The following RNH1 variants were observed in gnomAD, a reference collection of about 807,000 sequenced individuals.
RNH1 encodes ribonuclease inhibitor.
A neutral mutation model predicts 46.1 loss-of-function variants in RNH1; 38 were observed. The ratio of observed to expected loss-of-function variants is 0.82; its 90% CI spans 0.64 to 1.08. RNH1 has a LOEUF of 1.08. Ranked by LOEUF, RNH1 falls within the 50% of genes least tolerant of loss-of-function variation. RNH1 has a pLI of 0.00. For synonymous variants in RNH1, 319 were observed against 279.1 expected, an observed-to-expected ratio of 1.14 and a Z score of -1.43; for missense variants, 577 against 590.7, an observed-to-expected ratio of 0.98 and a Z score of 0.24.
At chr11:506,177 T>A (rs746411261) in intron 1 of RNH1, 10 of 152,208 alleles carry the variant, frequency 6.6e-5, no homozygotes, top group Non-Finnish European at 1.3e-4. Context: ...TCGTGTGCAG[T>A]CTCCGGCTTG....
rs1407510291 is a variant in RNH1 at position 502,205 on chromosome 11, G to A, written c.-43C>T. ...GCCTGGGTGGGAGGCAGAGGGAAGAGGACGTCTTGGCCGAATCCCCTCACA... is the reference window on the plus strand; with the variant it reads ...GCCTGGGTGGGAGGCAGAGGGAAGAAGACGTCTTGGCCGAATCCCCTCACA... On this transcript the variant is annotated 5_prime_UTR_variant, in exon 3 of 11. Transcript: ENST00000354420. This position sits in a 1 kb window ranked among gnomAD's most constrained non-coding sequence, Gnocchi z 5.8. 6.7e-7 allele frequency: 1 copy of A among 1,489,752 alleles called. No homozygotes were observed. Among genetic ancestry groups the A allele is most frequent in the African/African-American group, 1.4e-5 (1 of 72,428 alleles). The allele number at this position is 1,489,752 out of a possible 1,614,324, so 92.3% of individuals were successfully genotyped here.
Position 502,048 on chromosome 11 carries a change from G to A in RNH1, c.101+14C>T, listed in dbSNP as rs370104613. 325 of 1,604,138 alleles carry A rather than the reference G, an allele frequency of 2.0e-4. No individual in the cohort carries two copies. Among genetic ancestry groups the A allele is most frequent in the East Asian group, 2.9e-4 (13 of 44,734 alleles). On this transcript the variant is annotated intron_variant, in intron 3 of 10. Transcript: ENST00000354420. The surrounding 1 kb of genome is among the most constrained non-coding windows in gnomAD (Gnocchi z 5.8). The stretch of plus-strand genomic sequence containing the variant: ...CCCACCAGCACCCCAAGGCCACCCC[G>A]AGAGCAAGCGTACCTGACCACTTGG...
rs1565029940 is a variant in RNH1, at chr11:499,830, G to C, written c.442C>G (p.Gln148Glu). Residue 148 changes from glutamine to glutamate, a missense_variant and splice_region_variant, in exon 5 of 11, where the codon CAG becomes GAG. Coordinates refer to ENST00000354420, the MANE Select transcript of RNH1 (RefSeq NM_203387.3). Reference sequence around the variant, plus strand: ...CCCTGGGGCAGGACACAAACTCACTGCAGCTTTTCCAGGCGGCACTGGGGG... The same window carrying C: ...CCCTGGGGCAGGACACAAACTCACTCCAGCTTTTCCAGGCGGCACTGGGGG... ...LDPQCRLEKLQLEYCSLSAAS... is the reference protein window; with the variant it reads ...LDPQCRLEKLELEYCSLSAAS... 1 of 1,606,084 alleles carries C rather than the reference G, an allele frequency of 6.2e-7. No homozygotes were observed. Among genetic ancestry groups the C allele is most frequent in the East Asian group, 2.2e-5 (1 of 44,824 alleles).
At chr11:498,178 C>A in intron 8 of RNH1, 37 bp from the exon 9 acceptor site, 5 of 1,580,652 alleles carry the variant, frequency 3.2e-6, no homozygotes, top group Non-Finnish European at 4.3e-6. Flanking sequence ...TGGCAGGGGC[C>A]CAGGCTGGCC....
chr11:500,477 G>A lies in RNH1; in HGVS notation c.272+7C>T, dbSNP rs373599146. Reference sequence around the variant, plus strand: ...CAGGCCAGAGGCAGTGCCAGGCCCCGCCTCACCTCAGCTTCTGGATCTTGC... The same window carrying A: ...CAGGCCAGAGGCAGTGCCAGGCCCCACCTCACCTCAGCTTCTGGATCTTGC... On this transcript the variant is annotated splice_region_variant and intron_variant, in intron 4 of 10. Coordinates refer to ENST00000354420, the MANE Select transcript of RNH1 (RefSeq NM_203387.3). 75 of 1,602,396 alleles carry A rather than the reference G, an allele frequency of 4.7e-5. No homozygotes were observed. The African/African-American group carries it at 5.6e-4, about 12-fold the overall frequency.
rs1051269873 is a variant in RNH1 at position 502,444 on chromosome 11, C to T, written c.-87-195G>A. On this transcript the variant is annotated intron_variant, in intron 2 of 10. Coordinates refer to ENST00000354420, the MANE Select transcript of RNH1 (RefSeq NM_203387.3). This position sits in a 1 kb window ranked among gnomAD's most constrained non-coding sequence, Gnocchi z 5.8. ...GAGCTTGGGTAATGCAGATGCCAGCCCATCTCCTGGCTATCACCACCCAGC... is the reference window on the plus strand; with the variant it reads ...GAGCTTGGGTAATGCAGATGCCAGCTCATCTCCTGGCTATCACCACCCAGC... 8.7e-5 allele frequency: 44 copies of T among 506,842 alleles called. No individual in the cohort carries two copies. The highest frequency in any genetic ancestry group is 6.3e-4 in the African/African-American group (33 of 52,302). 31.4% of individuals were successfully genotyped at this position (506,842 alleles called of 1,614,324 possible). A position where few individuals can be genotyped will look rare whatever the true frequency, so the allele number is the denominator to read the frequency against.
chr11:503,820 G>A (rs1036339599), intron 2 of RNH1, among the ~76,000 whole-genome samples: 6 of 152,210 alleles, frequency 3.9e-5, no homozygotes, highest in East Asian at 3.9e-4. Flanking sequence ...GAGTAGCCCC[G>A]TCCCTACCCC....
chr11:500,286 G>A (rs1849625563), intron 4 of RNH1, 198 bp downstream of exon 4: 2 of 719,840 alleles, frequency 2.8e-6, no homozygotes, highest in Non-Finnish European at 4.5e-6. Flanking sequence ...TGCGGGGGCT[G>A]GGATAAGGCA....
intron 5 of RNH1, 94 bp downstream of exon 5, chr11:499,735 C>T: frequency 6.7e-7 from 1 of 1,493,438 alleles, no homozygotes; most frequent in African/African-American, 1.4e-5. Flanking sequence ...TGAGTCCCCT[C>T]CTCACGGCTC....
intron 3 of RNH1, chr11:500,915 G>T: frequency 1.8e-6 from 1 of 563,646 alleles, no homozygotes; most frequent in South Asian, 1.8e-5. Context: ...GATCACCTGA[G>T]GTCGGGAGTT....
chr11:499,779 G>A (rs762388663), intron 5 of RNH1, 50 bp downstream of exon 5: 42 of 1,578,166 alleles, frequency 2.7e-5, no homozygotes, highest in South Asian at 7.0e-5. Context: ...GGGGCTGGCT[G>A]GGGGACAGGC....
intron 5 of RNH1, 190 bp from the exon 6 acceptor site, chr11:499,375 G>A: frequency 1.5e-6 from 1 of 670,884 alleles, no homozygotes; most frequent in Admixed American, 2.4e-5. Context: ...CATTCCTTCT[G>A]GAAACCCCTC....
At chr11:499,670 A>G in intron 5 of RNH1, 159 bp downstream of exon 5, 1 of 854,960 alleles carries the variant, frequency 1.2e-6, no homozygotes, top group Non-Finnish European at 1.9e-6. Context: ...GAGCACCACA[A>G]GGCCCCAGAC....
In RNH1 at chr11:499,163, C is replaced by A. The variant is rs771170186; in HGVS notation, c.466G>T (p.Ala156Ser). Residue 156 changes from alanine (A) to serine (S), a missense_variant, in exon 6 of 11, where the codon GCT becomes TCT. Coordinates refer to ENST00000354420, the MANE Select transcript of RNH1 (RefSeq NM_203387.3). The part of the protein sequence containing the change: ...KLQLEYCSLS[A>S]ASCEPLASVL... ...GAGGCCAGGGGCTCGCAGCTGGCAG[C>A]CGAGAGGCTGCAATACTCCAGCCTG... 6.2e-7 allele frequency: 1 copy of A among 1,612,688 alleles called. No homozygotes were observed. The highest frequency in any genetic ancestry group is 8.5e-7 in the Non-Finnish European group (1 of 1,179,930).
Position 501,913 on chromosome 11 carries a change from A to G in RNH1, c.101+149T>C. The G allele has an allele frequency of 1.6e-6, 1 of 613,658 alleles. No individual in the cohort carries two copies. The highest frequency in any genetic ancestry group is 2.9e-6 in the Non-Finnish European group (1 of 342,378). 38.0% of individuals were successfully genotyped at this position (613,658 alleles called of 1,614,324 possible). A position where few individuals can be genotyped will look rare whatever the true frequency, so the allele number is the denominator to read the frequency against. On this transcript the variant is annotated intron_variant, in intron 3 of 10. Transcript: ENST00000354420. The surrounding 1 kb of genome is among the most constrained non-coding windows in gnomAD (Gnocchi z 4.1). ...CTAAATTGTCAAAAAGAAACACAAGAATCACATCTCATGCACGTGGTAGCT... is the reference window on the plus strand; with the variant it reads ...CTAAATTGTCAAAAAGAAACACAAGGATCACATCTCATGCACGTGGTAGCT...
At chr11:495,563 C>A (rs953827227) in intron 9 of RNH1, among the ~76,000 whole-genome samples, 1 of 152,212 alleles carries the variant, frequency 6.6e-6, no homozygotes, top group African/African-American at 2.4e-5. Flanking sequence ...GTGGAGCCGC[C>A]ACAGGCCGGA....
chr11:498,861 C>T lies in RNH1; in HGVS notation c.687G>A (p.Leu229=). The change falls in exon 7 of 11, where the codon CTG becomes CTA. Residue 229 remains leucine (L), a synonymous_variant. Coordinates refer to ENST00000354420, the MANE Select transcript of RNH1 (RefSeq NM_203387.3). ...LCGIVASKAS[L]RELALGSNKL... ...TGTTGCTGCCCAGGGCCAGCTCCCG[C>T]AGCGAGGCCTTGGAGGCCACAATGC... The T allele has an allele frequency of 6.2e-7, 1 of 1,612,036 alleles. No homozygotes were observed. The highest frequency in any genetic ancestry group is 2.2e-5 in the East Asian group (1 of 44,874).
At chr11:500,459 G>A (rs749010498) in intron 4 of RNH1, 25 bp downstream of exon 4, 14 of 1,594,644 alleles carry the variant, frequency 8.8e-6, no homozygotes, top group African/African-American at 1.3e-5. Context: ...CACCAGGCCA[G>A]AGGCAGTGCC....
chr11:502,754 GC>G lies in RNH1; in HGVS notation c.-87-506del, dbSNP rs139068990. On this transcript the variant is annotated intron_variant, in intron 2 of 10. Coordinates refer to ENST00000354420, the MANE Select transcript of RNH1 (RefSeq NM_203387.3). The surrounding 1 kb of genome is among the most constrained non-coding windows in gnomAD (Gnocchi z 5.8). The stretch of plus-strand genomic sequence containing the variant: ...CGAAGCAAGACAGAGCAGGGGGGCG[GC>G]CACTTGGGGTGTCAGCTTCCATGGC... 14,975 of 155,080 alleles carry G rather than the reference GC, an allele frequency of 0.097. 996 individuals carry two copies. The highest frequency in any genetic ancestry group is 0.18 in the Admixed American group (2,874 of 15,868). The allele number at this position is 155,080 out of a possible 1,614,324, so 9.6% of individuals were successfully genotyped here. A position where few individuals can be genotyped will look rare whatever the true frequency, so the allele number is the denominator to read the frequency against.
Sources: gnomAD v4.1 joint callset for allele counts (sites outside exome capture counted in the v4.1 genomes callset) on GRCh38, gnomAD v4.1.1 for gene constraint, Gnocchi (gnomAD v3.1) non-coding constraint, MANE v1.5 for transcripts, NCBI Gene and HGNC (gene_info 2026-07-23, HGNC 2026-07-21) for gene names.